The following XRCC4 variants were observed in gnomAD, a reference collection of about 807,000 sequenced individuals.
XRCC4 encodes the protein DNA repair protein XRCC4.
XRCC4 carries 28 observed loss-of-function variants against 39.1 expected under a neutral mutation model. The observed-to-expected ratio is 0.72, with a 90% confidence interval of 0.53 to 0.98. The LOEUF (loss-of-function observed/expected upper bound fraction) is 0.98, where lower values mean the gene tolerates loss of function less well. Among genes scored for constraint, XRCC4 ranks in the 50% least tolerant of loss-of-function variants. XRCC4 has a pLI of 0.00. For synonymous variants in XRCC4, 123 were observed against 126.4 expected (o/e 0.97, Z 0.18); for missense variants, 350 against 376.4 (o/e 0.93, Z 0.58).
chr5:83,291,433 T>G (rs761994486), intron 7 of XRCC4, among the ~76,000 whole-genome samples: 1 of 151,872 alleles, frequency 6.6e-6, no homozygotes, highest in Non-Finnish European at 1.5e-5. Flanking sequence ...CTTTGTATAT[T>G]TTTTCTTTAT....
intron 3 of XRCC4, among the ~76,000 whole-genome samples, chr5:83,131,789 G>A (rs1310168314): frequency 2.0e-5 from 3 of 152,070 alleles, no homozygotes; most frequent in Admixed American, 2.0e-4. Flanking sequence ...CACATGAGAT[G>A]GGTCTCCTGA....
intron 6 of XRCC4, among the ~76,000 whole-genome samples, chr5:83,223,221 T>C (rs1190508172): frequency 6.6e-6 from 1 of 152,172 alleles, no homozygotes; most frequent in African/African-American, 2.4e-5. Context: ...ACTCAGATGT[T>C]ACTGTGTTTG....
intron 3 of XRCC4, among the ~76,000 whole-genome samples, chr5:83,189,338 A>T (rs1378413428): frequency 1.3e-5 from 2 of 152,064 alleles, no homozygotes; most frequent in Non-Finnish European, 2.9e-5. Flanking sequence ...TTTTGCAATT[A>T]TTAAGACCTA....
chr5:83,263,803 C>T (rs532183087), intron 7 of XRCC4, among the ~76,000 whole-genome samples: 1 of 151,084 alleles, frequency 6.6e-6, no homozygotes, highest in Non-Finnish European at 1.5e-5. Context: ...GTTGCCTGTT[C>T]ACTCTGATGG....
At chr5:83,294,712 T>A (rs1285702966) in intron 7 of XRCC4, among the ~76,000 whole-genome samples, 2 of 152,044 alleles carry the variant, frequency 1.3e-5, no homozygotes, top group African/African-American at 4.8e-5. Flanking sequence ...TAAAAGATCA[T>A]GTATCAAAAA....
intron 2 of XRCC4, among the ~76,000 whole-genome samples, chr5:83,106,590 A>C (rs900679955): frequency 5.3e-5 from 8 of 151,950 alleles, no homozygotes; most frequent in Admixed American, 1.3e-4. Flanking sequence ...GGAAAAAAGA[A>C]CACTCCATTA....
chr5:83,331,661 G>A (rs187801624), intron 7 of XRCC4, among the ~76,000 whole-genome samples: 99 of 152,184 alleles, frequency 6.5e-4, no homozygotes, highest in Non-Finnish European at 1.3e-3. Flanking sequence ...TTACCCTGCA[G>A]TCATTGATTA....
chr5:83,363,005 T>A, the XRCC4 span, among the ~76,000 whole-genome samples: 4 of 152,148 alleles, frequency 2.6e-5, no homozygotes. Context: ...ACTTTTGGCT[T>A]CCAGGTTTTT....
intron 7 of XRCC4, among the ~76,000 whole-genome samples, chr5:83,306,740 G>C (rs748462297): frequency 4.6e-5 from 7 of 152,204 alleles, no homozygotes; most frequent in Non-Finnish European, 1.0e-4. Context: ...CAATAAGACT[G>C]ATCGGGCAAC....
chr5:83,165,110 A>G (rs549583472), intron 3 of XRCC4, among the ~76,000 whole-genome samples: 206 of 152,222 alleles, frequency 1.4e-3, no homozygotes, highest in African/African-American at 4.8e-3. Flanking sequence ...AAACATTAAA[A>G]TTAGTAATAA....
chr5:83,293,816 A>G (rs938796380), intron 7 of XRCC4, among the ~76,000 whole-genome samples: 1 of 152,050 alleles, frequency 6.6e-6, no homozygotes, highest in Admixed American at 6.6e-5. Context: ...GTCAGATCCT[A>G]TAAGAAAAAG....
chr5:83,368,016 A>G, the XRCC4 span, among the ~76,000 whole-genome samples: 1 of 151,640 alleles, frequency 6.6e-6, no homozygotes, highest in African/African-American at 2.4e-5. Flanking sequence ...AGTGCTTCAC[A>G]CTGTTTTTAA....
intron 7 of XRCC4, among the ~76,000 whole-genome samples, chr5:83,315,330 A>G (rs1263595926): frequency 2.0e-5 from 3 of 152,150 alleles, no homozygotes; most frequent in Non-Finnish European, 4.4e-5. Flanking sequence ...GAAGCCATTT[A>G]TAACAAAAAT....
chr5:83,326,741 C>CT (rs1756275570), intron 7 of XRCC4, among the ~76,000 whole-genome samples: 1 of 152,000 alleles, frequency 6.6e-6, no homozygotes, highest in Non-Finnish European at 1.5e-5. Context: ...AGCTTGTAAT[C>CT]TATTTCTTAA....
chr5:83,111,226 T>A (rs759275118), intron 3 of XRCC4, 23 bp downstream of exon 3: 4 of 1,543,398 alleles, frequency 2.6e-6, no homozygotes, highest in Non-Finnish European at 3.5e-6. Context: ...TTCCAAAATG[T>A]TACATAGTAA....
chr5:83,262,361 A>G (rs969512246), intron 7 of XRCC4, among the ~76,000 whole-genome samples: 2 of 152,120 alleles, frequency 1.3e-5, no homozygotes, highest in African/African-American at 4.8e-5. Flanking sequence ...TAAAGTTCTA[A>G]ATTGAAATAT....
chr5:83,256,920 A>G (rs1753562780), intron 6 of XRCC4, among the ~76,000 whole-genome samples: 1 of 152,160 alleles, frequency 6.6e-6, no homozygotes, highest in African/African-American at 2.4e-5. Flanking sequence ...GAAGATAGTA[A>G]TAATAAGTAC....
the XRCC4 span, among the ~76,000 whole-genome samples, chr5:83,368,732 G>A: frequency 1.3e-5 from 2 of 152,152 alleles, no homozygotes; most frequent in African/African-American, 2.4e-5. Flanking sequence ...TTGCAGAAAG[G>A]ATTTCAACCC....
At chr5:83,164,743 A>G (rs1749380053) in intron 3 of XRCC4, among the ~76,000 whole-genome samples, 1 of 152,146 alleles carries the variant, frequency 6.6e-6, no homozygotes, top group South Asian at 2.1e-4. Context: ...AGAAAATAAA[A>G]ATGGTAAGTT....
Sources: gnomAD v4.1 joint callset for allele counts (sites outside exome capture counted in the v4.1 genomes callset) on GRCh38, gnomAD v4.1.1 for gene constraint, MANE v1.5 for transcripts, NCBI Gene and HGNC (gene_info 2026-07-23, HGNC 2026-07-21) for gene names.